GRIK3: variants seen among roughly 807,000 people sequenced by gnomAD.
GRIK3 encodes glutamate receptor ionotropic, kainate 3.
In GRIK3, 29 loss-of-function variants were observed where a neutral mutation model predicts 102.5. That is an observed-to-expected ratio of 0.28 (90% CI 0.21 to 0.39). The LOEUF (loss-of-function observed/expected upper bound fraction) is 0.39. Ranked by LOEUF, GRIK3 falls within the 10% of genes least tolerant of loss-of-function variation. The pLI, the probability that GRIK3 is intolerant of heterozygous loss-of-function variation, is 1.00. For missense variants in GRIK3, 908 were observed against 1,252.4 expected (o/e 0.73, Z 4.15); for synonymous variants, 511 against 504.9 (o/e 1.01, Z -0.16).
chr1:36,904,119 C>T (rs1227107986), intron 1 of GRIK3, among the ~76,000 whole-genome samples: 1 of 152,144 alleles, frequency 6.6e-6, no homozygotes, highest in Admixed American at 6.5e-5. Flanking sequence ...TTGCTGTGAA[C>T]TTAAAACTGC....
At chr1:36,973,416 CTTTTTTTTTT>C (rs35394730) in intron 1 of GRIK3, among the ~76,000 whole-genome samples, 2 of 114,960 alleles carry the variant, frequency 1.7e-5, no homozygotes, top group Admixed American at 1.8e-4. Flanking sequence ...CTTCTTTTTC[CTTTTTTTTTT>C]TTTTTTTTTT....
intron 1 of GRIK3, among the ~76,000 whole-genome samples, chr1:36,984,757 C>T (rs1642287128): frequency 1.3e-5 from 2 of 152,234 alleles, no homozygotes; most frequent in Admixed American, 1.3e-4. Context: ...TGCCCCCACG[C>T]TGGGATCATC....
intron 7 of GRIK3, 93 bp from the exon 8 acceptor site, chr1:36,853,815 C>T (rs575546109): frequency 5.4e-6 from 4 of 746,624 alleles, no homozygotes; most frequent in Admixed American, 3.8e-5. Context: ...TTACTCCTTG[C>T]ACTGATACTG....
rs150164349 is a variant in GRIK3 at position 36,804,198 on chromosome 1, A to G, written c.2565+789T>C. Among the ~76,000 whole-genome samples the G allele has an allele frequency of 9.3e-3, 1,416 of 152,264 alleles. 13 individuals carry two copies. The highest frequency in any genetic ancestry group is 0.024 in the Middle Eastern group (7 of 294). The stretch of plus-strand genomic sequence containing the variant: ...CGGATATGTAAGTTGCTTGTTTATA[A>G]TGGGCCCTTCTATATATAATTTAAC... On this transcript the variant is annotated intron_variant, in intron 15 of 15. Coordinates refer to ENST00000373091, the MANE Select transcript of GRIK3 (RefSeq NM_000831.4).
rs189986756 is a variant in GRIK3 at position 36,829,993 on chromosome 1, C to T, written c.1531-4167G>A. 3.4e-3 allele frequency among the ~76,000 whole-genome samples: 523 copies of T among 152,350 alleles called. 1 individual carries two copies. Among genetic ancestry groups the T allele is most frequent in the Non-Finnish European group, 5.8e-3 (393 of 68,028 alleles). ...CAAGGGTCTGAGATCTGGCCTCTGACTCCCAGCTTGCTGCCTGTGTCTGGT... is the reference window on the plus strand; with the variant it reads ...CAAGGGTCTGAGATCTGGCCTCTGATTCCCAGCTTGCTGCCTGTGTCTGGT... On this transcript the variant is annotated intron_variant, in intron 10 of 15. Transcript: ENST00000373091.
intron 9 of GRIK3, among the ~76,000 whole-genome samples, chr1:36,846,095 C>T (rs1640516496): frequency 6.6e-6 from 1 of 152,178 alleles, no homozygotes; most frequent in African/African-American, 2.4e-5. Context: ...CAAGAGTGGG[C>T]CGGGTGTGTT....
chr1:36,949,769 G>C (rs527542774), intron 1 of GRIK3, among the ~76,000 whole-genome samples: 40 of 151,726 alleles, frequency 2.6e-4, no homozygotes, highest in Non-Finnish European at 5.2e-4. Context: ...TTAGAGACAG[G>C]GGGGTCACCA....
At chr1:36,908,926 C>T (rs1440986439) in intron 1 of GRIK3, among the ~76,000 whole-genome samples, 1 of 152,072 alleles carries the variant, frequency 6.6e-6, no homozygotes, top group East Asian at 1.9e-4. Context: ...AAACAAATAA[C>T]AACAACCACA....
chr1:36,922,411 A>C (rs935991506), intron 1 of GRIK3, among the ~76,000 whole-genome samples: 2 of 152,116 alleles, frequency 1.3e-5, no homozygotes, highest in African/African-American at 4.8e-5. Context: ...CAGCTGCTTC[A>C]ACTCCCTCCC....
chr1:36,902,344 T>C (rs938677219), intron 1 of GRIK3, among the ~76,000 whole-genome samples: 1 of 152,178 alleles, frequency 6.6e-6, no homozygotes, highest in Non-Finnish European at 1.5e-5. Context: ...TATAAAGCTA[T>C]AGTAATCAAG....
rs1642676059 is a variant in GRIK3 at position 36,819,710 on chromosome 1, G to T, written c.1873+26C>A. The T allele has an allele frequency of 1.7e-6, 2 of 1,176,672 alleles. No individual in the cohort carries two copies. The highest frequency in any genetic ancestry group is 1.2e-5 in the South Asian group (1 of 82,016). 72.9% of individuals were successfully genotyped at this position (1,176,672 alleles called of 1,614,324 possible). A position where few individuals can be genotyped will look rare whatever the true frequency, so the allele number is the denominator to read the frequency against. On this transcript the variant is annotated intron_variant, in intron 12 of 15. Transcript: ENST00000373091. The surrounding 1 kb of genome is among the most constrained non-coding windows in gnomAD (Gnocchi z 4.1). Reference sequence around the variant, plus strand: ...GCTTGGGGAAAGCAGACCCTGGAAGGGGAGGCCCTGGGAGAGGGTGCATAC... The same window carrying T: ...GCTTGGGGAAAGCAGACCCTGGAAGTGGAGGCCCTGGGAGAGGGTGCATAC...
At chr1:36,897,878 T>C (rs1641190768) in intron 1 of GRIK3, among the ~76,000 whole-genome samples, 1 of 152,116 alleles carries the variant, frequency 6.6e-6, no homozygotes, top group Non-Finnish European at 1.5e-5. Flanking sequence ...ATAACCAAAA[T>C]TTGGGAGCAA....
At chr1:36,908,497 T>C (rs1641310284) in intron 1 of GRIK3, among the ~76,000 whole-genome samples, 1 of 152,202 alleles carries the variant, frequency 6.6e-6, no homozygotes, top group African/African-American at 2.4e-5. Flanking sequence ...AGGGCTGCTT[T>C]GGGTCTCAGC....
chr1:36,987,723 T>C (rs1642321020), intron 1 of GRIK3, among the ~76,000 whole-genome samples: 1 of 152,090 alleles, frequency 6.6e-6, no homozygotes, highest in Non-Finnish European at 1.5e-5. Context: ...CATGGGTATA[T>C]GGGTACAGCC....
intron 4 of GRIK3, 55 bp from the exon 5 acceptor site, chr1:36,869,856 C>G (rs191124355): frequency 4.4e-6 from 6 of 1,348,336 alleles, no homozygotes; most frequent in Admixed American, 1.7e-5. Flanking sequence ...CAGCCCTCCC[C>G]ACATCCCCAC....
intron 1 of GRIK3, among the ~76,000 whole-genome samples, chr1:37,033,699 C>A (rs1642855963): frequency 6.6e-6 from 1 of 152,228 alleles, no homozygotes; most frequent in Non-Finnish European, 1.5e-5. Context: ...GCGAAATGCG[C>A]CCTCGACTCG....
intron 1 of GRIK3, among the ~76,000 whole-genome samples, chr1:37,018,501 C>T (rs1224073098): frequency 6.6e-6 from 1 of 152,232 alleles, no homozygotes; most frequent in Non-Finnish European, 1.5e-5. Context: ...TCTGAGCACT[C>T]TTTCTGGTCC....
intron 1 of GRIK3, among the ~76,000 whole-genome samples, chr1:37,014,933 GTCTCTC>G (rs56296966): frequency 0.22 from 30,701 of 139,680 alleles, 3,858 homozygotes; most frequent in African/African-American, 0.37. Flanking sequence ...CTCTGTTTTT[GTCTCTC>G]TCTCTCTCTC....
chr1:36,805,339 A>G, intron 14 of GRIK3, 102 bp from the exon 15 acceptor site: 2 of 1,243,528 alleles, frequency 1.6e-6, no homozygotes, highest in Non-Finnish European at 2.2e-6. Context: ...AGCCCTCTGG[A>G]TCAGCTCATG....
Sources: gnomAD v4.1 joint callset for allele counts (sites outside exome capture counted in the v4.1 genomes callset) on GRCh38, gnomAD v4.1.1 for gene constraint, Gnocchi (gnomAD v3.1) non-coding constraint, MANE v1.5 for transcripts, NCBI Gene and HGNC (gene_info 2026-07-23, HGNC 2026-07-21) for gene names.